Variants in WASHC4 observed in about 807,000 individuals in gnomAD.
WASHC4 encodes WASH complex subunit 4, also known as WASH complex subunit 7.
A neutral mutation model predicts 166.6 loss-of-function variants in WASHC4; 86 were observed. That is an observed-to-expected ratio of 0.52 (90% CI 0.43 to 0.62). The LOEUF (loss-of-function observed/expected upper bound fraction) is 0.62. Ranked by LOEUF, WASHC4 falls within the 20% of genes least tolerant of loss-of-function variation. WASHC4 has a pLI of 0.00. For missense variants in WASHC4, 1,262 were observed against 1,382.4 expected, an observed-to-expected ratio of 0.91 and a Z score of 1.38; for synonymous variants, 446 against 451.6, an observed-to-expected ratio of 0.99 and a Z score of 0.16.
intron 29 of WASHC4, among the ~76,000 whole-genome samples, chr12:105,162,232 C>T (rs746723845): frequency 3.3e-5 from 5 of 152,120 alleles, no homozygotes; most frequent in Non-Finnish European, 5.9e-5. Flanking sequence ...TTTCAAGAGA[C>T]GTACTGTTTT....
intron 13 of WASHC4, among the ~76,000 whole-genome samples, chr12:105,131,662 T>G (rs1336285020): frequency 6.6e-6 from 1 of 152,172 alleles, no homozygotes; most frequent in Non-Finnish European, 1.5e-5. Context: ...TGAGTCTTGA[T>G]CACAACCTCC....
chr12:105,141,054 A>T lies in WASHC4; in HGVS notation c.1707+9A>T. Reference sequence around the variant, plus strand: ...GTGTTGGCACACAAATGGTAAGTGTATTGCTATTACTTATGGAACAGAAAT... The same window carrying T: ...GTGTTGGCACACAAATGGTAAGTGTTTTGCTATTACTTATGGAACAGAAAT... On this transcript the variant is annotated intron_variant, in intron 17 of 32. Coordinates refer to ENST00000332180, the MANE Select transcript of WASHC4 (RefSeq NM_015275.3). 1 of 1,614,024 alleles carries T rather than the reference A, an allele frequency of 6.2e-7. No individual in the cohort carries two copies. The highest frequency in any genetic ancestry group is 8.5e-7 in the Non-Finnish European group (1 of 1,179,920).
At position 105,144,319 on chromosome 12, in the gene WASHC4, G is replaced by A; in HGVS notation, c.2043G>A (p.Glu681=). ...HLLDKLCKEI[E]KDLRLSVHTH... is the part of the protein sequence containing the mutation. Reference sequence around the variant, plus strand: ...TGGACAAATTATGCAAAGAAATAGAGAAAGATCTGCGACTTTCTGTGCATA... The same window carrying A: ...TGGACAAATTATGCAAAGAAATAGAAAAAGATCTGCGACTTTCTGTGCATA... Residue 681 remains glutamate, a synonymous_variant, in exon 21 of 33, where the codon GAG becomes GAA. Transcript: ENST00000332180. The A allele has an allele frequency of 6.2e-7, 1 of 1,613,012 alleles. No homozygotes were observed. The highest frequency in any genetic ancestry group is 1.1e-5 in the South Asian group (1 of 90,872).
intron 25 of WASHC4, among the ~76,000 whole-genome samples, chr12:105,151,930 T>C (rs1285836008): frequency 6.6e-6 from 1 of 152,232 alleles, no homozygotes; most frequent in African/African-American, 2.4e-5. Context: ...TTATTGGTGA[T>C]GGTTACTAGA....
chr12:105,149,691 C>T lies in WASHC4; in HGVS notation c.2591C>T (p.Ser864Phe). 6.3e-7 allele frequency: 1 copy of T among 1,578,454 alleles called. No homozygotes were observed. The highest frequency in any genetic ancestry group is 1.1e-5 in the South Asian group (1 of 89,214). Reference sequence around the variant, plus strand: ...TTTATGTATGATGAACACATCAAATCCAGATTGATTAAAGATATTCGATTT... The same window carrying T: ...TTTATGTATGATGAACACATCAAATTCAGATTGATTAAAGATATTCGATTT... ...SQFMYDEHIK[S>F]RLIKDIRFFR... Residue 864 changes from serine (S) to phenylalanine (F), a missense_variant, in exon 25 of 33, where the codon TCC becomes TTC. Transcript: ENST00000332180.
rs766246866 is a variant in WASHC4 at position 105,127,218 on chromosome 12, C to T, written c.1128C>T (p.Asp376=). ...QKIPAAAKLL[D]RKSLQAIKIH... ...TACCAGCAGCTGCCAAACTGCTAGA[C>T]AGAAAAAGTCTTCAAGCCATTAAAA... Residue 376 remains aspartate (D), a synonymous_variant, in exon 13 of 33, where the codon GAC becomes GAT. Transcript: ENST00000332180. The T allele has an allele frequency of 6.2e-7, 1 of 1,611,838 alleles. No homozygotes were observed. Among genetic ancestry groups the T allele is most frequent in the Admixed American group, 1.7e-5 (1 of 60,010 alleles).
intron 7 of WASHC4, 61 bp downstream of exon 7, chr12:105,118,589 A>C (rs1880413794): frequency 1.0e-6 from 1 of 961,676 alleles, no homozygotes; most frequent in Admixed American, 1.7e-5. Flanking sequence ...GTTCTTTCTA[A>C]AATTAATAAC....
At chr12:105,144,195 T>C (rs930143318) in intron 20 of WASHC4, 92 bp from the exon 21 acceptor site, 24 of 1,068,212 alleles carry the variant, frequency 2.2e-5, no homozygotes, top group Non-Finnish European at 3.2e-5. Context: ...ACCAAAAAAC[T>C]ATTGGTTTAA....
chr12:105,118,656 C>G (rs1013090969), intron 7 of WASHC4, 128 bp downstream of exon 7: 2 of 711,302 alleles, frequency 2.8e-6, no homozygotes, highest in Non-Finnish European at 5.1e-6. Context: ...ATTTCAAACA[C>G]TACTTGATGT....
chr12:105,150,200 G>T (rs1178018631), intron 25 of WASHC4, among the ~76,000 whole-genome samples: 4 of 152,176 alleles, frequency 2.6e-5, no homozygotes, highest in African/African-American at 9.7e-5. Flanking sequence ...TGCTCATCAC[G>T]TCAGTACATA....
intron 18 of WASHC4, among the ~76,000 whole-genome samples, chr12:105,141,617 T>C (rs1371513659): frequency 6.6e-6 from 1 of 152,234 alleles, no homozygotes; most frequent in African/African-American, 2.4e-5. Context: ...CGTAGTGTTC[T>C]ATGATTTTAT....
chr12:105,160,233 C>A, intron 29 of WASHC4, 85 bp downstream of exon 29: 2 of 1,065,286 alleles, frequency 1.9e-6, no homozygotes, highest in Non-Finnish European at 2.9e-6. Flanking sequence ...ACACGAAATG[C>A]ATACAGACTA....
At chr12:105,164,340 G>T in intron 31 of WASHC4, 33 bp downstream of exon 31, 1 of 1,570,520 alleles carries the variant, frequency 6.4e-7, no homozygotes, top group South Asian at 1.1e-5. Context: ...CATCTGCTTT[G>T]ACTTACCATT....
rs919781380 is a variant in WASHC4, at chr12:105,122,196, G to T, written c.744G>T (p.Leu248Phe). 1.4e-5 allele frequency: 22 copies of T among 1,612,790 alleles called. No homozygotes were observed. The highest frequency in any genetic ancestry group is 1.9e-5 in the Non-Finnish European group (22 of 1,179,412). The change falls in exon 10 of 33, where the codon TTG becomes TTT. Residue 248 changes from leucine (L) to phenylalanine (F), a missense_variant. Coordinates refer to ENST00000332180, the MANE Select transcript of WASHC4 (RefSeq NM_015275.3). ...AATTAAAGCCATTTGAAAAGTTCTT[G>T]CTGAAGCTAGAAGGGCAATTACTGG... is the stretch of plus-strand genomic sequence containing the variant. The part of the protein sequence containing the change: ...EEKLKPFEKF[L>F]LKLEGQLLDG...
chr12:105,128,564 A>G (rs1008161888), intron 13 of WASHC4, among the ~76,000 whole-genome samples: 56 of 152,200 alleles, frequency 3.7e-4, no homozygotes, highest in South Asian at 4.1e-4. Context: ...AAATGCTCCA[A>G]TACTGGAAAC....
At chr12:105,149,997 A>C (rs1474399569) in intron 25 of WASHC4, among the ~76,000 whole-genome samples, 1 of 152,188 alleles carries the variant, frequency 6.6e-6, no homozygotes, top group Non-Finnish European at 1.5e-5. Flanking sequence ...ACATTTAAGC[A>C]ATATAGAATG....
intron 18 of WASHC4, among the ~76,000 whole-genome samples, chr12:105,141,565 C>T (rs751927833): frequency 6.6e-6 from 1 of 152,162 alleles, no homozygotes; most frequent in African/African-American, 2.4e-5. Context: ...TGTATTATAA[C>T]AGGGCTTCCT....
chr12:105,164,197 A>G lies in WASHC4; in HGVS notation c.3244A>G (p.Lys1082Glu), dbSNP rs770374824. The change falls in exon 31 of 33, where the codon AAG (lysine) becomes GAG (glutamate). Residue 1082 changes from lysine (K) to glutamate (E), a missense_variant. Lys to Glu is a moderately conservative substitution (Grantham distance 56). Coordinates refer to ENST00000332180, the MANE Select transcript of WASHC4 (RefSeq NM_015275.3). ...WFQSVREKYL[K>E]EIRAVAKQQN... Reference sequence around the variant, plus strand: ...CCAGTCTGTTAGAGAGAAATACCTGAAGGAGATAAGAGCAGTTGCTAAGCA... The same window carrying G: ...CCAGTCTGTTAGAGAGAAATACCTGGAGGAGATAAGAGCAGTTGCTAAGCA... The G allele has an allele frequency of 1.2e-6, 2 of 1,614,062 alleles. No homozygotes were observed. The highest frequency in any genetic ancestry group is 8.5e-7 in the Non-Finnish European group (1 of 1,179,920).
intron 15 of WASHC4, among the ~76,000 whole-genome samples, chr12:105,139,425 GTATATA>G (rs71069791): frequency 0.23 from 23,354 of 103,346 alleles, 2,491 homozygotes; most frequent in Admixed American, 0.31. Flanking sequence ...ATGTGTGTGT[GTATATA>G]TATATATATA....
Sources: allele counts gnomAD v4.1 joint callset (sites outside exome capture counted in the v4.1 genomes callset), GRCh38; gene constraint gnomAD v4.1.1; transcripts MANE v1.5; gene names NCBI Gene and HGNC (gene_info 2026-07-23, HGNC 2026-07-21).